Variants in DNM3 observed in about 807,000 individuals in gnomAD.
DNM3 encodes dynamin 3, also known as dynamin-3.
A neutral mutation model predicts 101.6 loss-of-function variants in DNM3; 47 were observed. The observed-to-expected ratio is 0.46, with a 90% confidence interval of 0.37 to 0.59. The LOEUF (loss-of-function observed/expected upper bound fraction) is 0.59, where lower values mean the gene tolerates loss of function less well. Ranked by LOEUF, DNM3 falls within the 20% of genes least tolerant of loss-of-function variation. The pLI, the probability that DNM3 is intolerant of heterozygous loss-of-function variation, is 0.00. For synonymous variants in DNM3, 385 were observed against 387.9 expected, an observed-to-expected ratio of 0.99 and a Z score of 0.09; for missense variants, 849 against 1,085.7, an observed-to-expected ratio of 0.78 and a Z score of 3.06.
At chr1:171,930,362 G>A (rs1268852655) in intron 2 of DNM3, among the ~76,000 whole-genome samples, 3 of 152,160 alleles carry the variant, frequency 2.0e-5, no homozygotes, top group Non-Finnish European at 4.4e-5. Context: ...TCACTTCTCA[G>A]CCCCCTGGAT....
At chr1:172,388,342 A>T (rs2069319453) in intron 19 of DNM3, among the ~76,000 whole-genome samples, 1 of 152,236 alleles carries the variant, frequency 6.6e-6, no homozygotes, top group Non-Finnish European at 1.5e-5. Flanking sequence ...GAATACAGTT[A>T]AAAAGGATGC....
intron 1 of DNM3, among the ~76,000 whole-genome samples, chr1:171,894,422 T>G (rs2037584689): frequency 6.6e-6 from 1 of 152,140 alleles, no homozygotes; most frequent in Non-Finnish European, 1.5e-5. Flanking sequence ...TTTATTTTTT[T>G]GATACAGAAT....
chr1:171,873,510 A>C (rs2035485429), intron 1 of DNM3, among the ~76,000 whole-genome samples: 1 of 152,104 alleles, frequency 6.6e-6, no homozygotes, highest in South Asian at 2.1e-4. Context: ...TATGTGGCAG[A>C]TTACAAGATT....
intron 17 of DNM3, among the ~76,000 whole-genome samples, chr1:172,325,288 C>T (rs545772633): frequency 5.7e-4 from 87 of 152,216 alleles, no homozygotes; most frequent in African/African-American, 2.0e-3. Flanking sequence ...TGAACGCTTG[C>T]GCATGTGCTA....
intron 4 of DNM3, among the ~76,000 whole-genome samples, chr1:172,031,541 A>C (rs1034851774): frequency 2.0e-5 from 3 of 152,204 alleles, no homozygotes; most frequent in African/African-American, 7.2e-5. Context: ...CACATTCTGC[A>C]CTTGTATCCT....
intron 14 of DNM3, among the ~76,000 whole-genome samples, chr1:172,245,488 C>A (rs1307888176): frequency 6.6e-6 from 1 of 152,198 alleles, no homozygotes; most frequent in Non-Finnish European, 1.5e-5. Context: ...CCTTGCCATG[C>A]TGGCCATGGT....
chr1:172,070,569 C>T (rs1171976645), intron 11 of DNM3, among the ~76,000 whole-genome samples: 2 of 152,048 alleles, frequency 1.3e-5, no homozygotes, highest in African/African-American at 4.8e-5. Context: ...CTTCATATTT[C>T]AGAGTTTTTG....
In DNM3 at chr1:172,279,710, G is replaced by A. The variant is rs539179156; in HGVS notation, c.1769+26028G>A. 3.6e-4 allele frequency among the ~76,000 whole-genome samples: 55 copies of A among 151,930 alleles called. 1 individual carries two copies. Among genetic ancestry groups the A allele is most frequent in the South Asian group, 2.9e-3 (14 of 4,798 alleles). On this transcript the variant is annotated intron_variant, in intron 15 of 20. Coordinates refer to ENST00000627582, the MANE Select transcript of DNM3 (RefSeq NM_015569.5). ...GATTTTTCTCTTGCCTTCACTTTCC[G>A]CACCCAGTTTCTCAGAAACATATGA...
chr1:171,890,807 A>AAAAC (rs1398320656), intron 1 of DNM3, among the ~76,000 whole-genome samples: 1 of 152,164 alleles, frequency 6.6e-6, no homozygotes, highest in East Asian at 1.9e-4. Flanking sequence ...AGCAAAAAAC[A>AAAAC]AAACAAACAA....
At chr1:172,301,854 C>T (rs1442090043) in intron 15 of DNM3, among the ~76,000 whole-genome samples, 1 of 152,068 alleles carries the variant, frequency 6.6e-6, no homozygotes, top group Non-Finnish European at 1.5e-5. Context: ...AATAGAACCT[C>T]AACTATCTGA....
chr1:172,395,879 G>C (rs575795060), intron 20 of DNM3, among the ~76,000 whole-genome samples: 12 of 152,198 alleles, frequency 7.9e-5, no homozygotes, highest in African/African-American at 2.9e-4. Context: ...TGGGGGATGG[G>C]AGGGCAGTGT....
intron 12 of DNM3, among the ~76,000 whole-genome samples, chr1:172,087,480 C>T (rs1359595938): frequency 6.6e-6 from 1 of 152,100 alleles, no homozygotes; most frequent in Non-Finnish European, 1.5e-5. Context: ...ACTTATATAT[C>T]CTAGAGAAGC....
Position 171,912,542 on chromosome 1 carries a change from A to G in DNM3, c.162-9206A>G, listed in dbSNP as rs148268289. ...TCTTTTCTGATCTTCCATCTGCACA[A>G]TTACCTTGTAGTATTAAGGTGGTTG... On this transcript the variant is annotated intron_variant, in intron 1 of 20. Transcript: ENST00000627582. Among the ~76,000 whole-genome samples, 657 of 152,300 alleles carry G rather than the reference A, an allele frequency of 4.3e-3. 8 individuals are homozygous for G. The highest frequency in any genetic ancestry group is 0.015 in the African/African-American group (620 of 41,558).
chr1:172,192,031 C>G (rs1030518399), intron 14 of DNM3, among the ~76,000 whole-genome samples: 11 of 152,088 alleles, frequency 7.2e-5, no homozygotes, highest in Middle Eastern at 3.2e-3. Context: ...CCAACACTAT[C>G]TTGAATACGA....
intron 10 of DNM3, among the ~76,000 whole-genome samples, chr1:172,052,837 C>T (rs1393072682): frequency 6.6e-6 from 1 of 152,134 alleles, no homozygotes; most frequent in Non-Finnish European, 1.5e-5. Flanking sequence ...AGTTCAACTA[C>T]CACTTAAAAT....
At chr1:171,973,672 CTT>C (rs754902487) in intron 2 of DNM3, among the ~76,000 whole-genome samples, 108 of 136,854 alleles carry the variant, frequency 7.9e-4, no homozygotes, top group Admixed American at 8.9e-4. Context: ...ACTCCAAAAT[CTT>C]TTTTTTTTTT....
intron 4 of DNM3, among the ~76,000 whole-genome samples, chr1:172,006,642 T>G (rs1205722205): frequency 6.6e-6 from 1 of 152,114 alleles, no homozygotes; most frequent in African/African-American, 2.4e-5. Context: ...CTTCTGTCTC[T>G]TTCAACTTAT....
chr1:171,881,087 A>T (rs914349089), intron 1 of DNM3, among the ~76,000 whole-genome samples: 1 of 152,168 alleles, frequency 6.6e-6, no homozygotes, highest in African/African-American at 2.4e-5. Context: ...TATTGAAGGC[A>T]GTTATGATAC....
At chr1:172,126,829 A>G (rs1440769858) in intron 13 of DNM3, among the ~76,000 whole-genome samples, 1 of 151,882 alleles carries the variant, frequency 6.6e-6, no homozygotes, top group East Asian at 1.9e-4. Context: ...TGAATGGATG[A>G]TCACCTGAAT....
Sources: gnomAD v4.1 joint callset for allele counts (sites outside exome capture counted in the v4.1 genomes callset) on GRCh38, gnomAD v4.1.1 for gene constraint, MANE v1.5 for transcripts, NCBI Gene and HGNC (gene_info 2026-07-23, HGNC 2026-07-21) for gene names.